The following HDAC4 variants were observed in gnomAD, a reference collection of about 807,000 sequenced individuals.
The protein encoded by HDAC4 is histone deacetylase A.
Under a neutral mutation model 135.1 loss-of-function variants are expected in HDAC4, and 16 were observed. The ratio of observed to expected loss-of-function variants is 0.12; its 90% CI spans 0.08 to 0.18. The LOEUF is 0.18. HDAC4 is among the 10% of genes least tolerant of loss of function. The probability of loss-of-function intolerance (pLI) is 1.00; values close to 1 mark genes in which losing one functional copy is unlikely to be tolerated. For missense variants in HDAC4, 1,143 were observed against 1,511.8 expected, an observed-to-expected ratio of 0.76 and a Z score of 4.05; for synonymous variants, 685 against 653.4, an observed-to-expected ratio of 1.05 and a Z score of -0.74.
intron 22 of HDAC4, among the ~76,000 whole-genome samples, chr2:239,078,630 G>A (rs1425885953): frequency 6.6e-6 from 1 of 152,236 alleles, no homozygotes; most frequent in Non-Finnish European, 1.5e-5. Context: ...CACTTGGCAG[G>A]AGATTAAAGC....
intron 14 of HDAC4, among the ~76,000 whole-genome samples, chr2:239,109,644 C>A (rs1414146195): frequency 6.7e-6 from 1 of 149,906 alleles, no homozygotes; most frequent in African/African-American, 2.5e-5. Context: ...TAGGTGCAGG[C>A]TTACAGGAGT....
At chr2:239,217,810 C>T (rs1360234578) in intron 3 of HDAC4, among the ~76,000 whole-genome samples, 2 of 152,172 alleles carry the variant, frequency 1.3e-5, no homozygotes, top group East Asian at 1.9e-4. Flanking sequence ...AAAACAGGGT[C>T]GGGCACAACA....
chr2:239,159,912 A>G (rs1187498519), intron 6 of HDAC4, among the ~76,000 whole-genome samples: 1 of 152,276 alleles, frequency 6.6e-6, no homozygotes, highest in Non-Finnish European at 1.5e-5. Flanking sequence ...TGCCACACCT[A>G]AAGGCAAACC....
intron 5 of HDAC4, among the ~76,000 whole-genome samples, chr2:239,171,169 C>CAAAAAAAAAAAAAAA (rs34204026): frequency 8.7e-6 from 1 of 114,384 alleles, no homozygotes; most frequent in Non-Finnish European, 1.8e-5. Flanking sequence ...ACAATCTGAC[C>CAAAAAAAAAAAAAAA]AAAAAAAAAA....
chr2:239,313,442 G>A lies in HDAC4; in HGVS notation c.22+39236C>T, dbSNP rs2052980573. 6.6e-6 allele frequency among the ~76,000 whole-genome samples: 1 copy of A among 152,134 alleles called. No homozygotes were observed. The highest frequency in any genetic ancestry group is 6.5e-5 in the Admixed American group (1 of 15,278). On this transcript the variant is annotated intron_variant, in intron 2 of 26. Transcript: ENST00000543185. This position sits in a 1 kb window ranked among gnomAD's most constrained non-coding sequence, Gnocchi z 5.1. ...CCAAGTATCCCCAGGCTGCCCAGGA[G>A]CCCGCTCCTCCAATTGGGGGCTGGC...
chr2:239,252,742 T>C (rs1011473144), intron 2 of HDAC4, among the ~76,000 whole-genome samples: 1 of 152,182 alleles, frequency 6.6e-6, no homozygotes, highest in African/African-American at 2.4e-5. Flanking sequence ...TTTTCCAAGG[T>C]TTTAAATGCT....
chr2:239,132,750 G>A (rs754173130), intron 11 of HDAC4, among the ~76,000 whole-genome samples: 3 of 152,204 alleles, frequency 2.0e-5, no homozygotes, highest in Non-Finnish European at 4.4e-5. Flanking sequence ...CTATTTAATC[G>A]TGCAGAATAA....
At chr2:239,113,251 C>G (rs1202772069) in intron 13 of HDAC4, among the ~76,000 whole-genome samples, 1 of 151,108 alleles carries the variant, frequency 6.6e-6, no homozygotes, top group African/African-American at 2.4e-5. Context: ...CTCTGTCTCA[C>G]ACACACACAC....
At chr2:239,271,450 C>T (rs2050054105) in intron 2 of HDAC4, among the ~76,000 whole-genome samples, 1 of 152,298 alleles carries the variant, frequency 6.6e-6, no homozygotes, top group Non-Finnish European at 1.5e-5. Context: ...TTTGTTTACA[C>T]ATTCTAAGTT....
intron 3 of HDAC4, among the ~76,000 whole-genome samples, chr2:239,218,225 C>A (rs551154041): frequency 3.7e-4 from 56 of 152,226 alleles, no homozygotes; most frequent in African/African-American, 1.3e-3. Context: ...CAGGACTGAA[C>A]AATCATTATA....
intron 1 of HDAC4, among the ~76,000 whole-genome samples, chr2:239,375,260 G>A (rs1269631664): frequency 6.6e-6 from 1 of 152,178 alleles, no homozygotes. Context: ...GCCCCGGGAG[G>A]TGCCAGAGCC....
rs777443073 is a variant in HDAC4, at chr2:239,090,001, C to T, written c.2388+8G>A. The stretch of plus-strand genomic sequence containing the variant: ...TGGAGGGCCACCACTGTCCAGGCCC[C>T]GACTGACCTTCAGCTCCCCTGTGGC... On this transcript the variant is annotated splice_region_variant and intron_variant, in intron 18 of 26. Transcript: ENST00000543185. 4 of 1,605,988 alleles carry T rather than the reference C, an allele frequency of 2.5e-6. No homozygotes were observed. Among genetic ancestry groups the T allele is most frequent in the Non-Finnish European group, 3.4e-6 (4 of 1,172,894 alleles).
rs116851337 is a variant in HDAC4, at chr2:239,244,775, G to A, written c.23-8111C>T. Among the ~76,000 whole-genome samples the A allele has an allele frequency of 6.6e-3, 998 of 152,204 alleles. 20 individuals carry two copies. In the East Asian group the frequency reaches 0.076, roughly 12 times the overall value. ...TCCTCCCAGCTCAGCCTCCTGCTTT[G>A]CTGAGTGACCCCAGCAGCCCATCCT... On this transcript the variant is annotated intron_variant, in intron 2 of 26. Transcript: ENST00000543185.
chr2:239,332,983 A>T (rs1232556561), intron 2 of HDAC4, among the ~76,000 whole-genome samples: 2 of 152,166 alleles, frequency 1.3e-5, no homozygotes, highest in Non-Finnish European at 1.5e-5. Flanking sequence ...AAATTCCAAG[A>T]AAAACTAAAC....
intron 1 of HDAC4, among the ~76,000 whole-genome samples, chr2:239,387,969 G>C (rs1695939681): frequency 6.6e-6 from 1 of 152,180 alleles, no homozygotes; most frequent in Non-Finnish European, 1.5e-5. Flanking sequence ...AGTGGCCACA[G>C]GTATCAGACG....
intron 2 of HDAC4, among the ~76,000 whole-genome samples, chr2:239,347,082 AAC>A (rs1040857325): frequency 6.7e-6 from 1 of 148,186 alleles, no homozygotes; most frequent in African/African-American, 2.6e-5. Context: ...CACACACCCT[AAC>A]ACACACTCTA....
chr2:239,080,057 CAG>C (rs543091481), intron 22 of HDAC4, among the ~76,000 whole-genome samples: 66 of 150,872 alleles, frequency 4.4e-4, no homozygotes, highest in Non-Finnish European at 8.9e-4. Flanking sequence ...CCCACCCACA[CAG>C]ACACACACAC....
chr2:239,294,974 T>C (rs895019613), intron 2 of HDAC4, among the ~76,000 whole-genome samples: 1 of 152,134 alleles, frequency 6.6e-6, no homozygotes, highest in African/African-American at 2.4e-5. Flanking sequence ...AGACTTTTAG[T>C]GCTAGGGAAC....
intron 7 of HDAC4, among the ~76,000 whole-genome samples, chr2:239,145,736 C>G (rs772469480): frequency 6.6e-6 from 1 of 152,218 alleles, no homozygotes; most frequent in Non-Finnish European, 1.5e-5. Flanking sequence ...AATCAGCACT[C>G]CTGCTGTTCT....
Sources: allele counts gnomAD v4.1 joint callset (sites outside exome capture counted in the v4.1 genomes callset), GRCh38; gene constraint gnomAD v4.1.1; non-coding constraint Gnocchi (gnomAD v3.1); transcripts MANE v1.5; gene names NCBI Gene and HGNC (gene_info 2026-07-23, HGNC 2026-07-21).